The following NPAS3 variants were observed in gnomAD, a reference collection of about 807,000 sequenced individuals.
The protein encoded by NPAS3 is neuronal PAS domain-containing protein 3.
A neutral mutation model predicts 73.1 loss-of-function variants in NPAS3; 14 were observed. The observed-to-expected ratio is 0.19, with a 90% CI of 0.13 to 0.30. The LOEUF is 0.30. NPAS3 is among the 10% of genes least tolerant of loss of function. The pLI is 1.00. For missense variants in NPAS3, 1,096 were observed against 1,250.0 expected, an observed-to-expected ratio of 0.88 and a Z score of 1.86; for synonymous variants, 620 against 541.5, an observed-to-expected ratio of 1.14 and a Z score of -2.01.
intron 4 of NPAS3, among the ~76,000 whole-genome samples, chr14:33,558,266 C>T (rs1280919534): frequency 1.4e-5 from 2 of 146,236 alleles, no homozygotes; most frequent in Non-Finnish European, 3.0e-5. Flanking sequence ...GGAAAATTCA[C>T]TTTTTTTTTT....
intron 4 of NPAS3, among the ~76,000 whole-genome samples, chr14:33,431,427 A>G (rs2048778969): frequency 1.3e-5 from 2 of 152,150 alleles, no homozygotes. Context: ...CTTAAAGGCC[A>G]TTAAACATTC....
At chr14:33,333,036 G>A (rs2044056331) in intron 3 of NPAS3, among the ~76,000 whole-genome samples, 1 of 152,196 alleles carries the variant, frequency 6.6e-6, no homozygotes, top group Non-Finnish European at 1.5e-5. Flanking sequence ...GCTGCCACCT[G>A]TGGCTGCAAT....
chr14:33,424,335 A>G (rs146547080), intron 4 of NPAS3, among the ~76,000 whole-genome samples: 14 of 152,142 alleles, frequency 9.2e-5, no homozygotes, highest in African/African-American at 3.1e-4. Context: ...TGAGAGGCTT[A>G]GTGAGGACAC....
chr14:33,016,630 AAAC>A (rs2039405996), intron 1 of NPAS3, among the ~76,000 whole-genome samples: 1 of 151,444 alleles, frequency 6.6e-6, no homozygotes, highest in South Asian at 2.1e-4. Context: ...AAAAAAAAAA[AAAC>A]GACCTAACCC....
At chr14:33,040,513 A>G (rs1566494140) in intron 1 of NPAS3, among the ~76,000 whole-genome samples, 1 of 152,322 alleles carries the variant, frequency 6.6e-6, no homozygotes, top group East Asian at 1.9e-4. Context: ...TGGACTTTGC[A>G]TAACCACAAA....
At chr14:33,667,267 T>G (rs2059478970) in intron 5 of NPAS3, among the ~76,000 whole-genome samples, 1 of 152,136 alleles carries the variant, frequency 6.6e-6, no homozygotes, top group Non-Finnish European at 1.5e-5. Context: ...GCAGCATAGC[T>G]CTAGAGACTA....
At chr14:33,606,408 A>G (rs1216866635) in intron 5 of NPAS3, among the ~76,000 whole-genome samples, 5 of 151,714 alleles carry the variant, frequency 3.3e-5, no homozygotes, top group Non-Finnish European at 7.4e-5. Flanking sequence ...TGAACTCATC[A>G]TTTTTTATGG....
chr14:33,534,098 A>G (rs1015241717), intron 4 of NPAS3, among the ~76,000 whole-genome samples: 7 of 152,202 alleles, frequency 4.6e-5, no homozygotes, highest in African/African-American at 1.7e-4. Flanking sequence ...ATAATCTAAT[A>G]TATAATCTAC....
intron 6 of NPAS3, among the ~76,000 whole-genome samples, chr14:33,713,215 G>C (rs571931511): frequency 1.1e-4 from 17 of 152,188 alleles, no homozygotes; most frequent in Non-Finnish European, 1.9e-4. Flanking sequence ...AGTAAGTCGA[G>C]AGCAAGTACA....
chr14:33,074,261 A>C (rs2041582829), intron 2 of NPAS3, among the ~76,000 whole-genome samples: 1 of 152,220 alleles, frequency 6.6e-6, no homozygotes, highest in African/African-American at 2.4e-5. Flanking sequence ...AAACAAATAC[A>C]TGTTAATGTT....
chr14:33,571,782 T>C (rs765874151), intron 5 of NPAS3, among the ~76,000 whole-genome samples: 2 of 152,250 alleles, frequency 1.3e-5, no homozygotes, highest in Admixed American at 6.5e-5. Context: ...TAGTTTCCCT[T>C]GTTGGCAGAT....
At chr14:33,299,960 T>G (rs2042461619) in intron 3 of NPAS3, among the ~76,000 whole-genome samples, 1 of 152,214 alleles carries the variant, frequency 6.6e-6, no homozygotes, top group East Asian at 1.9e-4. Flanking sequence ...ATCCTCATGA[T>G]AATTCAAAAC....
intron 6 of NPAS3, among the ~76,000 whole-genome samples, chr14:33,704,877 T>G (rs546807322): frequency 3.3e-5 from 5 of 152,158 alleles, no homozygotes; most frequent in South Asian, 2.1e-4. Context: ...ACTTCTAAGC[T>G]TTGGGTGGAA....
rs184960730 is a variant in NPAS3, at chr14:33,752,880, T to A, written c.852+17548T>A. Among the ~76,000 whole-genome samples, 423 of 152,292 alleles carry A rather than the reference T, an allele frequency of 2.8e-3. 2 individuals are homozygous for A. Among genetic ancestry groups the A allele is most frequent in the African/African-American group, 8.6e-3 (357 of 41,572 alleles). Reference sequence around the variant, plus strand: ...AAGTTCAACTCTCTGTGTATCAGAATGCTGTAAAACAGGATTCACCCATAA... The same window carrying A: ...AAGTTCAACTCTCTGTGTATCAGAAAGCTGTAAAACAGGATTCACCCATAA... On this transcript the variant is annotated intron_variant, in intron 7 of 11. Coordinates refer to ENST00000356141, the Ensembl canonical transcript of NPAS3.
chr14:33,458,848 C>T (rs890978491), intron 4 of NPAS3, among the ~76,000 whole-genome samples: 2 of 152,072 alleles, frequency 1.3e-5, no homozygotes, highest in African/African-American at 2.4e-5. Flanking sequence ...AAAGGGGTCC[C>T]GATCCAGACC....
chr14:33,422,799 AC>A (rs762104135), intron 4 of NPAS3, among the ~76,000 whole-genome samples: 10 of 152,116 alleles, frequency 6.6e-5, no homozygotes, highest in Admixed American at 3.3e-4. Flanking sequence ...TTTGGTTAAT[AC>A]TTAAGTCACA....
At chr14:33,459,822 C>T (rs2050179012) in intron 4 of NPAS3, among the ~76,000 whole-genome samples, 1 of 152,104 alleles carries the variant, frequency 6.6e-6, no homozygotes, top group Non-Finnish European at 1.5e-5. Flanking sequence ...ATTGGGTGCC[C>T]AAGAACCCTC....
chr14:33,531,403 C>T (rs2054037556), intron 4 of NPAS3, among the ~76,000 whole-genome samples: 1 of 152,044 alleles, frequency 6.6e-6, no homozygotes, highest in Admixed American at 6.6e-5. Context: ...GTTCTCCTTC[C>T]TTATAATTGT....
chr14:33,085,223 A>C (rs2041984308), intron 2 of NPAS3, among the ~76,000 whole-genome samples: 1 of 152,216 alleles, frequency 6.6e-6, no homozygotes, highest in African/African-American at 2.4e-5. Flanking sequence ...TAAAAGAGAA[A>C]CAAATCCTGT....
Sources: gnomAD v4.1 joint callset for allele counts (sites outside exome capture counted in the v4.1 genomes callset) on GRCh38, gnomAD v4.1.1 for gene constraint, MANE v1.5 for transcripts, NCBI Gene and HGNC (gene_info 2026-07-23, HGNC 2026-07-21) for gene names.